LUZP2: variants seen among roughly 807,000 people sequenced by gnomAD.
LUZP2 encodes leucine zipper protein 2.
LUZP2 carries 52 observed loss-of-function variants against 51.6 expected under a neutral mutation model. The observed-to-expected ratio is 1.01, with a 90% CI of 0.81 to 1.27. The LOEUF is 1.27. Ranked by LOEUF, LUZP2 falls within the 50% of genes most tolerant of loss-of-function variation. The pLI is 0.00. For synonymous variants in LUZP2, 154 were observed against 137.3 expected (o/e 1.12, Z -0.85); for missense variants, 436 against 395.4 (o/e 1.10, Z -0.87).
intron 1 of LUZP2, among the ~76,000 whole-genome samples, chr11:24,721,368 C>CA (rs760783754): frequency 1.3e-4 from 20 of 152,002 alleles, no homozygotes; most frequent in Non-Finnish European, 2.8e-4. Flanking sequence ...ATATTTACTA[C>CA]AAAAATTCAA....
intron 1 of LUZP2, among the ~76,000 whole-genome samples, chr11:24,649,389 A>G (rs1037555563): frequency 1.4e-4 from 21 of 152,074 alleles, no homozygotes; most frequent in African/African-American, 4.8e-4. Context: ...CAATCTGTAC[A>G]AGCCTCCTGA....
chr11:25,064,939 T>G (rs1337091455), intron 10 of LUZP2, among the ~76,000 whole-genome samples: 1 of 152,016 alleles, frequency 6.6e-6, no homozygotes, highest in African/African-American at 2.4e-5. Flanking sequence ...GATATTGAGG[T>G]TTAATATGTT....
chr11:24,566,315 A>ATTATTTATTTCT (rs1852214179), intron 1 of LUZP2, among the ~76,000 whole-genome samples: 4 of 41,422 alleles, frequency 9.7e-5, no homozygotes, highest in East Asian at 1.1e-3. Context: ...TATTTATTGT[A>ATTATTTATTTCT]TTATTTATTT....
At chr11:24,856,942 G>C (rs1316181484) in intron 5 of LUZP2, among the ~76,000 whole-genome samples, 1 of 151,954 alleles carries the variant, frequency 6.6e-6, no homozygotes, top group Non-Finnish European at 1.5e-5. Context: ...CAGAAGGGTG[G>C]GAGGGTGAGA....
chr11:25,044,199 A>G (rs1256019138), intron 9 of LUZP2, among the ~76,000 whole-genome samples: 1 of 125,652 alleles, frequency 8.0e-6, no homozygotes, highest in Non-Finnish European at 1.7e-5. Flanking sequence ...ATATATGCAT[A>G]TATGTATGTG....
intron 9 of LUZP2, among the ~76,000 whole-genome samples, chr11:24,997,760 A>C (rs1318397048): frequency 6.6e-6 from 1 of 152,128 alleles, no homozygotes; most frequent in African/African-American, 2.4e-5. Flanking sequence ...TAGGTCTGAC[A>C]TTTAAGTCTT....
intron 3 of LUZP2, among the ~76,000 whole-genome samples, chr11:24,734,863 T>C (rs970933): frequency 0.97 from 147,308 of 151,846 alleles, 71,559 homozygotes; most frequent in Non-Finnish European, 1. Flanking sequence ...GTCACATCCC[T>C]GGCTCTCAAT....
intron 1 of LUZP2, among the ~76,000 whole-genome samples, chr11:24,643,201 G>C (rs1017869808): frequency 6.9e-6 from 1 of 144,322 alleles, no homozygotes; most frequent in Non-Finnish European, 1.5e-5. Flanking sequence ...TTGAGGTCAG[G>C]AGTTCAAGAC....
chr11:24,763,957 C>T (rs1471011241), intron 5 of LUZP2, among the ~76,000 whole-genome samples: 1 of 152,122 alleles, frequency 6.6e-6, no homozygotes, highest in East Asian at 1.9e-4. Flanking sequence ...ATCAATCTCA[C>T]TAATTATGTT....
chr11:24,944,168 C>A (rs1411696748), intron 7 of LUZP2, among the ~76,000 whole-genome samples: 1 of 152,172 alleles, frequency 6.6e-6, no homozygotes, highest in East Asian at 1.9e-4. Flanking sequence ...GGCAACACCC[C>A]AGACCATTAG....
intron 1 of LUZP2, among the ~76,000 whole-genome samples, chr11:24,508,079 G>A (rs902143096): frequency 6.6e-6 from 1 of 151,986 alleles, no homozygotes; most frequent in Non-Finnish European, 1.5e-5. Flanking sequence ...GGTGATTACT[G>A]ATGTTGCCCT....
At chr11:24,827,779 C>G (rs752234394) in intron 5 of LUZP2, among the ~76,000 whole-genome samples, 2 of 151,992 alleles carry the variant, frequency 1.3e-5, no homozygotes, top group Non-Finnish European at 2.9e-5. Context: ...TGGTTCTTAA[C>G]CATATTAATG....
chr11:24,900,191 T>A (rs1853231108), intron 5 of LUZP2, among the ~76,000 whole-genome samples: 1 of 152,204 alleles, frequency 6.6e-6, no homozygotes, highest in African/African-American at 2.4e-5. Context: ...TAGTAGATAA[T>A]AATTGTTTAG....
At chr11:24,671,055 T>C (rs1213629882) in intron 1 of LUZP2, among the ~76,000 whole-genome samples, 1 of 151,912 alleles carries the variant, frequency 6.6e-6, no homozygotes, top group Non-Finnish European at 1.5e-5. Context: ...GAACAATTTT[T>C]TGAATTATTT....
At chr11:24,913,221 C>T (rs2133799838) in intron 6 of LUZP2, among the ~76,000 whole-genome samples, 1 of 152,258 alleles carries the variant, frequency 6.6e-6, no homozygotes, top group African/African-American at 2.4e-5. Flanking sequence ...ATTTCTGTCC[C>T]TATTTGTTTG....
At chr11:24,889,835 T>C (rs1386235) in intron 5 of LUZP2, among the ~76,000 whole-genome samples, 75,884 of 152,108 alleles carry the variant, frequency 0.5, 19,415 homozygotes, top group East Asian at 0.72. Flanking sequence ...ATTATGGACA[T>C]ACATTATAAT....
At chr11:24,763,816 A>G (rs895909244) in intron 5 of LUZP2, among the ~76,000 whole-genome samples, 4 of 152,142 alleles carry the variant, frequency 2.6e-5, no homozygotes, top group African/African-American at 9.7e-5. Flanking sequence ...TTGATTCTTT[A>G]TCTTGTTATA....
intron 5 of LUZP2, among the ~76,000 whole-genome samples, chr11:24,826,963 A>G (rs1486725): frequency 0.74 from 112,981 of 151,900 alleles, 42,919 homozygotes; most frequent in Middle Eastern, 0.85. Context: ...ACATCTGGAC[A>G]TAAAAAACCT....
intron 3 of LUZP2, among the ~76,000 whole-genome samples, chr11:24,736,468 GGTCCTTCCTTCC>G (rs1421563133): frequency 1.5e-5 from 2 of 135,198 alleles, no homozygotes; most frequent in Non-Finnish European, 3.1e-5. Flanking sequence ...ATAACATGTA[GGTCCTTCCTTCC>G]TTCCTTCCTT....
Sources: allele counts gnomAD v4.1 joint callset (sites outside exome capture counted in the v4.1 genomes callset), GRCh38; gene constraint gnomAD v4.1.1; transcripts MANE v1.5; gene names NCBI Gene and HGNC (gene_info 2026-07-23, HGNC 2026-07-21).